Variants in HSD17B12 observed in about 807,000 individuals in gnomAD.
HSD17B12 encodes the protein hydroxysteroid 17-beta dehydrogenase 12, also known as very-long-chain 3-oxoacyl-CoA reductase.
A neutral mutation model predicts 39.3 loss-of-function variants in HSD17B12; 32 were observed. The observed-to-expected ratio is 0.81, with a 90% confidence interval of 0.61 to 1.09. The LOEUF is 1.09. HSD17B12 is among the 50% of genes least tolerant of loss of function. The pLI is 0.00. For missense variants in HSD17B12, 342 were observed against 382.9 expected (o/e 0.89, Z 0.89); for synonymous variants, 150 against 146.7 (o/e 1.02, Z -0.16).
In HSD17B12 at chr11:43,771,548, C is replaced by T. The variant is rs1474892561; in HGVS notation, c.283+17427C>T. Among the ~76,000 whole-genome samples, 3 of 139,676 alleles carry T rather than the reference C, an allele frequency of 2.1e-5. No homozygotes were observed. In the East Asian group the frequency reaches 6.6e-4, roughly 31 times the overall value. 91.6% of individuals were successfully genotyped at this position (139,676 alleles called of 152,430 possible). A position where few individuals can be genotyped will look rare whatever the true frequency, so the allele number is the denominator to read the frequency against. ...GTGGGGCAATCTCAGCTCACTGCAA[C>T]CTCCACCTCCCGGGCTCAAGTGATT... On this transcript the variant is annotated intron_variant, in intron 3 of 10. Coordinates refer to ENST00000278353, the MANE Select transcript of HSD17B12 (RefSeq NM_016142.3).
the HSD17B12 span, among the ~76,000 whole-genome samples, chr11:43,627,545 A>G: frequency 2.6e-5 from 4 of 152,120 alleles, no homozygotes; most frequent in South Asian, 2.1e-4. Context: ...GTAGTTGCCA[A>G]TATCAATGAA....
the HSD17B12 span, among the ~76,000 whole-genome samples, chr11:43,659,677 C>A: frequency 6.6e-6 from 1 of 152,160 alleles, no homozygotes; most frequent in Admixed American, 6.5e-5. Flanking sequence ...AAGCAAGCTA[C>A]ACAAAAGGAA....
At chr11:43,651,946 A>G in the HSD17B12 span, among the ~76,000 whole-genome samples, 1 of 152,206 alleles carries the variant, frequency 6.6e-6, no homozygotes, top group Non-Finnish European at 1.5e-5. Flanking sequence ...TATGTGTAAG[A>G]CCTGTACACT....
chr11:43,696,662 G>C (rs924337000), intron 1 of HSD17B12, among the ~76,000 whole-genome samples: 1 of 152,114 alleles, frequency 6.6e-6, no homozygotes, highest in Non-Finnish European at 1.5e-5. Flanking sequence ...CCATTACTAG[G>C]TATATACCCA....
intron 1 of HSD17B12, among the ~76,000 whole-genome samples, chr11:43,726,331 G>A (rs1401523418): frequency 1.3e-5 from 2 of 152,134 alleles, no homozygotes; most frequent in Non-Finnish European, 2.9e-5. Context: ...TAATCCAGGG[G>A]ATAGAGTGGG....
the HSD17B12 span, chr11:43,570,525 A>T: frequency 6.6e-6 from 1 of 152,218 alleles, no homozygotes; most frequent in Admixed American, 6.5e-5. Context: ...GGTGGTTTGT[A>T]GTGCTTTGAT....
intron 6 of HSD17B12, chr11:43,830,634 C>T: frequency 6.0e-6 from 1 of 166,648 alleles, no homozygotes; most frequent in Non-Finnish European, 1.3e-5. Context: ...CTTCTGATAA[C>T]ATATATTCTT....
At chr11:43,637,553 C>T in the HSD17B12 span, among the ~76,000 whole-genome samples, 898 of 152,138 alleles carry the variant, frequency 5.9e-3, 13 homozygotes, top group African/African-American at 0.02. Context: ...GAATGTGCTA[C>T]AGTAGTATTA....
the HSD17B12 span, chr11:43,570,127 G>A: frequency 1.3e-5 from 2 of 152,632 alleles, no homozygotes; most frequent in East Asian, 1.9e-4. Context: ...CTAAAATGAA[G>A]TTACAAGACA....
chr11:43,776,339 A>G (rs534302291), intron 3 of HSD17B12, among the ~76,000 whole-genome samples: 74 of 151,982 alleles, frequency 4.9e-4, no homozygotes, highest in Admixed American at 1.4e-3. Flanking sequence ...TTTGATTTAC[A>G]TTTCTCTGAT....
At chr11:43,852,516 G>A (rs748863430) in intron 9 of HSD17B12, 1 of 151,788 alleles carries the variant, frequency 6.6e-6, no homozygotes, top group East Asian at 1.9e-4. Context: ...ATAGAAATGA[G>A]AAATGGTTTG....
chr11:43,781,116 C>G (rs1950761294), intron 3 of HSD17B12, among the ~76,000 whole-genome samples: 1 of 152,152 alleles, frequency 6.6e-6, no homozygotes. Context: ...CTCATAAGGT[C>G]TTGGTGACCT....
the HSD17B12 span, among the ~76,000 whole-genome samples, chr11:43,656,476 C>A: frequency 1.3e-5 from 2 of 152,080 alleles, no homozygotes; most frequent in African/African-American, 4.8e-5. Context: ...TTCTCTAGGT[C>A]TTTTAATTGT....
At chr11:43,850,421 G>T (rs1373854945) in intron 9 of HSD17B12, among the ~76,000 whole-genome samples, 2 of 152,068 alleles carry the variant, frequency 1.3e-5, no homozygotes, top group African/African-American at 4.8e-5. Context: ...TTTAATGCTC[G>T]GTAAAGGCAG....
At chr11:43,678,980 T>C (rs960735853), upstream of HSD17B12, among the ~76,000 whole-genome samples, 2 of 152,216 alleles carry the variant, frequency 1.3e-5, no homozygotes, top group African/African-American at 4.8e-5. Context: ...AGAAAGTCAT[T>C]GGTAGCTTGA....
At chr11:43,806,840 C>T (rs185630046) in intron 4 of HSD17B12, among the ~76,000 whole-genome samples, 25 of 152,090 alleles carry the variant, frequency 1.6e-4, no homozygotes, top group East Asian at 1.5e-3. Context: ...ATGTTCCTAG[C>T]GAAAGAAAAG....
chr11:43,810,367 T>TTTTATATATATA (rs1181869252), intron 4 of HSD17B12, among the ~76,000 whole-genome samples: 1 of 59,698 alleles, frequency 1.7e-5, no homozygotes, highest in Admixed American at 1.4e-4. Flanking sequence ...AATTTAGAAA[T>TTTTATATATATA]TATATATATA....
intron 6 of HSD17B12, among the ~76,000 whole-genome samples, chr11:43,822,185 C>T (rs1482822903): frequency 2.0e-5 from 3 of 152,080 alleles, no homozygotes; most frequent in Admixed American, 6.5e-5. Flanking sequence ...GATGGGTGTG[C>T]GGCCCAAAGT....
chr11:43,616,281 T>G, the HSD17B12 span, among the ~76,000 whole-genome samples: 5 of 151,772 alleles, frequency 3.3e-5, no homozygotes, highest in African/African-American at 1.2e-4. Context: ...TGTGGCAGCC[T>G]GCTGTCATCC....
Sources: gnomAD v4.1 joint callset for allele counts (sites outside exome capture counted in the v4.1 genomes callset) on GRCh38, gnomAD v4.1.1 for gene constraint, MANE v1.5 for transcripts, NCBI Gene and HGNC (gene_info 2026-07-23, HGNC 2026-07-21) for gene names.